Variants in PRKN observed in about 807,000 individuals in gnomAD.
PRKN encodes E3 ubiquitin-protein ligase parkin.
Under a neutral mutation model 59.5 loss-of-function variants are expected in PRKN, and 56 were observed. That is an observed-to-expected ratio of 0.94 (90% CI 0.76 to 1.18). PRKN has a LOEUF of 1.18. Ranked by LOEUF, PRKN falls within the 50% of genes most tolerant of loss-of-function variation. PRKN has a pLI of 0.00. For missense variants in PRKN, 657 were observed against 596.4 expected, an observed-to-expected ratio of 1.10 and a Z score of -1.06; for synonymous variants, 250 against 222.1, an observed-to-expected ratio of 1.13 and a Z score of -1.12.
chr6:161,673,618 T>A (rs1325621622), intron 7 of PRKN, among the ~76,000 whole-genome samples: 1 of 152,164 alleles, frequency 6.6e-6, no homozygotes, highest in Non-Finnish European at 1.5e-5. Context: ...TGCTCTGGCA[T>A]CTGTTTGGAG....
Position 161,488,712 on chromosome 6 carries a change from C to T in PRKN, c.1083+60142G>A, listed in dbSNP as rs1051109433. On this transcript the variant is annotated intron_variant, in intron 9 of 11. Coordinates refer to ENST00000366898, the MANE Select transcript of PRKN (RefSeq NM_004562.3). The surrounding 1 kb of genome is among the most constrained non-coding windows in gnomAD (Gnocchi z 4.5). ...ATGTTGCCCAGGCTGGTCTTGAACT[C>T]GGCCTCAAGTGATCCTCCCACCTTG... 1.3e-5 allele frequency among the ~76,000 whole-genome samples: 2 copies of T among 151,820 alleles called. No individual in the cohort carries two copies. The highest frequency in any genetic ancestry group is 2.9e-5 in the Non-Finnish European group (2 of 67,962).
chr6:162,432,442 C>T (rs1436216358), intron 2 of PRKN, among the ~76,000 whole-genome samples: 2 of 152,100 alleles, frequency 1.3e-5, no homozygotes, highest in African/African-American at 4.8e-5. Flanking sequence ...AGGAGAATCG[C>T]TTGAATCCAA....
chr6:161,532,139 GCA>G (rs1321168405), intron 9 of PRKN, among the ~76,000 whole-genome samples: 37 of 85,210 alleles, frequency 4.3e-4, no homozygotes, highest in African/African-American at 1.6e-3. Flanking sequence ...TCTCTGTCTT[GCA>G]CTCTCTCTCT....
intron 6 of PRKN, among the ~76,000 whole-genome samples, chr6:161,858,379 G>A (rs994598909): frequency 6.6e-6 from 1 of 152,048 alleles, no homozygotes; most frequent in Non-Finnish European, 1.5e-5. Context: ...ATTTGTAGCC[G>A]GACAACCAGA....
intron 1 of PRKN, among the ~76,000 whole-genome samples, chr6:162,531,737 G>A (rs73023493): frequency 0.092 from 13,934 of 152,080 alleles, 745 homozygotes; most frequent in Middle Eastern, 0.18. Flanking sequence ...TAATCTTGTC[G>A]CTAATGGTAG....
chr6:161,978,016 G>T (rs1027279417), intron 5 of PRKN, among the ~76,000 whole-genome samples: 11 of 148,484 alleles, frequency 7.4e-5, no homozygotes, highest in African/African-American at 2.8e-4. Context: ...TTATTTTATT[G>T]TATTTTATTT....
intron 1 of PRKN, among the ~76,000 whole-genome samples, chr6:162,607,794 A>G (rs1410088713): frequency 1.3e-5 from 2 of 152,260 alleles, no homozygotes; most frequent in African/African-American, 4.8e-5. Context: ...TCCATATGTT[A>G]CTTTTCATTT....
In PRKN at chr6:162,062,616, G is replaced by A. The variant is rs1336842763; in HGVS notation, c.535-8442C>T. Among the ~76,000 whole-genome samples, 3 of 152,282 alleles carry A rather than the reference G, an allele frequency of 2.0e-5. No individual in the cohort carries two copies. In the East Asian group the frequency reaches 5.8e-4, roughly 29 times the overall value. ...AGGCCATGTGAAAATATGGGGAGAAGGTGGCCATCTGCAAGCCAAGGACAG... is the reference window on the plus strand; with the variant it reads ...AGGCCATGTGAAAATATGGGGAGAAAGTGGCCATCTGCAAGCCAAGGACAG... On this transcript the variant is annotated intron_variant, in intron 4 of 11. Coordinates refer to ENST00000366898, the MANE Select transcript of PRKN (RefSeq NM_004562.3).
chr6:162,220,766 G>T (rs1253921741), intron 3 of PRKN, among the ~76,000 whole-genome samples: 1 of 152,198 alleles, frequency 6.6e-6, no homozygotes, highest in African/African-American at 2.4e-5. Context: ...CAGCCGTCAG[G>T]GAAAAGTACT....
intron 9 of PRKN, among the ~76,000 whole-genome samples, chr6:161,532,566 G>A (rs1444648425): frequency 6.6e-6 from 1 of 152,030 alleles, no homozygotes; most frequent in Non-Finnish European, 1.5e-5. Flanking sequence ...AAAATATCTA[G>A]GGTTGTTATA....
chr6:162,447,201 G>A (rs73028153), intron 1 of PRKN, among the ~76,000 whole-genome samples: 11,180 of 152,156 alleles, frequency 0.073, 822 homozygotes, highest in East Asian at 0.42. Context: ...AGGAGGTAGA[G>A]CTAATGAAAG....
intron 6 of PRKN, among the ~76,000 whole-genome samples, chr6:161,796,373 A>C (rs568320954): frequency 6.6e-6 from 1 of 152,268 alleles, no homozygotes; most frequent in South Asian, 2.1e-4. Flanking sequence ...AAGTAAGTTA[A>C]AAGCAAAGAT....
At chr6:161,368,319 T>TTG (rs1562399279) in intron 10 of PRKN, among the ~76,000 whole-genome samples, 7 of 143,164 alleles carry the variant, frequency 4.9e-5, no homozygotes, top group African/African-American at 1.5e-4. Flanking sequence ...GTATATATAT[T>TTG]TATATATATT....
At chr6:161,517,393 T>C (rs149256042) in intron 9 of PRKN, among the ~76,000 whole-genome samples, 122 of 152,146 alleles carry the variant, frequency 8.0e-4, no homozygotes, top group African/African-American at 2.8e-3. Flanking sequence ...GTTGGTTTCA[T>C]GGGGTTCTGC....
At chr6:162,671,048 G>A (rs544244002) in intron 1 of PRKN, among the ~76,000 whole-genome samples, 70 of 152,182 alleles carry the variant, frequency 4.6e-4, no homozygotes, top group African/African-American at 1.6e-3. Context: ...GGAATACTAG[G>A]AATAACCAAG....
intron 6 of PRKN, among the ~76,000 whole-genome samples, chr6:161,840,157 C>G (rs1283554230): frequency 6.6e-6 from 1 of 152,192 alleles, no homozygotes; most frequent in African/African-American, 2.4e-5. Context: ...TTATAGCAAG[C>G]TCATGTCTAA....
chr6:161,611,825 A>G (rs530325169), intron 7 of PRKN, among the ~76,000 whole-genome samples: 1 of 152,330 alleles, frequency 6.6e-6, no homozygotes, highest in East Asian at 1.9e-4. Flanking sequence ...CAAGTTCTAG[A>G]TCTCTTGCAC....
intron 1 of PRKN, among the ~76,000 whole-genome samples, chr6:162,490,976 A>C (rs1792783902): frequency 6.6e-6 from 1 of 152,156 alleles, no homozygotes. Flanking sequence ...TCTACTAAAA[A>C]TACAAAAATT....
intron 2 of PRKN, among the ~76,000 whole-genome samples, chr6:162,328,943 A>G (rs1583388851): frequency 1.3e-5 from 2 of 152,124 alleles, no homozygotes; most frequent in East Asian, 3.9e-4. Context: ...AAACACAACA[A>G]ATCACATTGC....
Sources: allele counts gnomAD v4.1 joint callset (sites outside exome capture counted in the v4.1 genomes callset), GRCh38; gene constraint gnomAD v4.1.1; non-coding constraint Gnocchi (gnomAD v3.1); transcripts MANE v1.5; gene names NCBI Gene and HGNC (gene_info 2026-07-23, HGNC 2026-07-21).